Variants in ADAM29 observed in about 807,000 individuals in gnomAD.
ADAM29 encodes ADAM metallopeptidase domain 29.
For missense variants in ADAM29, 969 were observed against 1,001.8 expected (o/e 0.97, Z 0.44); for synonymous variants, 367 against 342.3 (o/e 1.07, Z -0.80).
intron 4 of ADAM29, among the ~76,000 whole-genome samples, 167 bp downstream of exon 4, chr4:174,937,180 A>G (rs997881717): frequency 6.6e-6 from 1 of 152,038 alleles, no homozygotes; most frequent in African/African-American, 2.4e-5. Flanking sequence ...AATAATTTCC[A>G]TAGAGCTTTC....
intron 4 of ADAM29, among the ~76,000 whole-genome samples, chr4:174,939,853 G>T (rs895939412): frequency 6.6e-6 from 1 of 152,234 alleles, no homozygotes; most frequent in African/African-American, 2.4e-5. Context: ...TTTCTCACAT[G>T]ATTATCAGAA....
At chr4:174,926,721 CAAAAAAAA>C (rs34308315) in intron 2 of ADAM29, among the ~76,000 whole-genome samples, 122 of 107,614 alleles carry the variant, frequency 1.1e-3, no homozygotes, top group African/African-American at 3.6e-3. Flanking sequence ...AGACCATGTC[CAAAAAAAA>C]AAAAAAAAAT....
At chr4:174,948,699 G>A (rs111370652) in intron 4 of ADAM29, among the ~76,000 whole-genome samples, 1 of 152,166 alleles carries the variant, frequency 6.6e-6, no homozygotes, top group Non-Finnish European at 1.5e-5. Flanking sequence ...GGCTGGGCAA[G>A]GGCATCTAGA....
rs1185921664 is a variant in ADAM29, at chr4:174,975,828, C to T, written c.303C>T (p.Tyr101=). ...EDQPFVQNNC[Y]YHGYVEGDPE... is the part of the protein sequence containing the mutation. ...AGCCATTTGTCCAGAATAACTGCTA[C>T]TATCATGGTTATGTGGAAGGGGACC... The change falls in exon 5 of 5, where the codon TAC becomes TAT. Residue 101 remains tyrosine, a synonymous_variant. Coordinates refer to ENST00000359240, the MANE Select transcript of ADAM29 (RefSeq NM_014269.4). The T allele has an allele frequency of 1.9e-6, 3 of 1,614,038 alleles. No individual in the cohort carries two copies. Among genetic ancestry groups the T allele is most frequent in the African/African-American group, 1.3e-5 (1 of 74,920 alleles).
intron 1 of ADAM29, among the ~76,000 whole-genome samples, chr4:174,919,526 G>A (rs986612128): frequency 6.6e-6 from 1 of 152,142 alleles, no homozygotes; most frequent in African/African-American, 2.4e-5. Flanking sequence ...TAGCCACGTT[G>A]CAGTTCTCTT....
chr4:174,970,068 GA>G (rs887293292), intron 4 of ADAM29, among the ~76,000 whole-genome samples: 4 of 148,972 alleles, frequency 2.7e-5, no homozygotes, highest in Admixed American at 6.7e-5. Context: ...ATAGGTACAA[GA>G]AAAAAAAATA....
At chr4:174,948,318 G>A (rs1207671468) in intron 4 of ADAM29, among the ~76,000 whole-genome samples, 3 of 152,138 alleles carry the variant, frequency 2.0e-5, no homozygotes, top group Non-Finnish European at 4.4e-5. Context: ...TGAAGTTGCT[G>A]GCCTTTGGAT....
At chr4:174,966,788 C>T (rs561630093) in intron 4 of ADAM29, among the ~76,000 whole-genome samples, 174 of 152,310 alleles carry the variant, frequency 1.1e-3, no homozygotes, top group African/African-American at 4.0e-3. Context: ...CCAATGATCT[C>T]TGAATTGCCT....
intron 4 of ADAM29, among the ~76,000 whole-genome samples, chr4:174,958,849 G>A (rs1331539539): frequency 6.6e-6 from 1 of 151,742 alleles, no homozygotes; most frequent in Non-Finnish European, 1.5e-5. Context: ...AGTTAGTTCA[G>A]CTTCAAATAA....
chr4:174,938,264 T>C (rs1478025380), intron 4 of ADAM29, among the ~76,000 whole-genome samples: 1 of 152,046 alleles, frequency 6.6e-6, no homozygotes, highest in Admixed American at 6.6e-5. Flanking sequence ...GCATGAATTA[T>C]GTGGAAGATA....
At chr4:174,922,988 T>G (rs1743253017) in intron 2 of ADAM29, among the ~76,000 whole-genome samples, 1 of 151,990 alleles carries the variant, frequency 6.6e-6, no homozygotes, top group African/African-American at 2.4e-5. Flanking sequence ...AGGAAACACA[T>G]ATGCTTAGTT....
At chr4:174,962,294 G>A (rs985176095) in intron 4 of ADAM29, among the ~76,000 whole-genome samples, 3 of 152,100 alleles carry the variant, frequency 2.0e-5, no homozygotes, top group African/African-American at 4.8e-5. Context: ...GGCAGATCAT[G>A]AGGTCAGGAA....
chr4:174,969,131 T>C (rs1327593826), intron 4 of ADAM29, among the ~76,000 whole-genome samples: 1 of 151,750 alleles, frequency 6.6e-6, no homozygotes, highest in African/African-American at 2.4e-5. Flanking sequence ...AAAATTAACA[T>C]CATCTTCTTC....
chr4:174,959,054 A>T (rs1745664510), intron 4 of ADAM29, among the ~76,000 whole-genome samples: 1 of 151,830 alleles, frequency 6.6e-6, no homozygotes, highest in East Asian at 1.9e-4. Context: ...ATTTCACTTT[A>T]TTCCTTTTCT....
At chr4:174,928,133 T>G (rs1360456416) in intron 2 of ADAM29, among the ~76,000 whole-genome samples, 1 of 152,116 alleles carries the variant, frequency 6.6e-6, no homozygotes, top group Non-Finnish European at 1.5e-5. Context: ...ACCTTCATTT[T>G]CTGGATTTTA....
chr4:174,955,982 A>G (rs1375895219), intron 4 of ADAM29, among the ~76,000 whole-genome samples: 1 of 152,032 alleles, frequency 6.6e-6, no homozygotes, highest in Non-Finnish European at 1.5e-5. Context: ...CTCTACTTAG[A>G]AACATTATGT....
intron 4 of ADAM29, among the ~76,000 whole-genome samples, chr4:174,955,839 G>A (rs929235703): frequency 6.6e-6 from 1 of 152,014 alleles, no homozygotes; most frequent in Non-Finnish European, 1.5e-5. Flanking sequence ...AAAGGAGGAA[G>A]CTTTGACTTC....
intron 4 of ADAM29, among the ~76,000 whole-genome samples, chr4:174,974,423 T>C (rs889684950): frequency 3.9e-5 from 6 of 152,228 alleles, no homozygotes; most frequent in African/African-American, 1.2e-4. Context: ...AATTTTTCTT[T>C]TTATTAACCA....
intron 4 of ADAM29, among the ~76,000 whole-genome samples, chr4:174,966,617 G>C (rs566103307): frequency 1.3e-5 from 2 of 152,260 alleles, no homozygotes; most frequent in East Asian, 3.9e-4. Flanking sequence ...TGTTAATCCT[G>C]TCTGGTTTGA....
Sources: gnomAD v4.1 joint callset for allele counts (sites outside exome capture counted in the v4.1 genomes callset) on GRCh38, gnomAD v4.1.1 for gene constraint, MANE v1.5 for transcripts, NCBI Gene and HGNC (gene_info 2026-07-23, HGNC 2026-07-21) for gene names.